PIP5K1B: variants seen among roughly 807,000 people sequenced by gnomAD.
The protein encoded by PIP5K1B is phosphatidylinositol-4-phosphate 5-kinase type 1 beta, also known as phosphatidylinositol 4-phosphate 5-kinase type-1 beta.
A neutral mutation model predicts 67.0 loss-of-function variants in PIP5K1B; 42 were observed. That is an observed-to-expected ratio of 0.63 (90% confidence interval 0.49 to 0.81). The LOEUF is 0.81. Among genes scored for constraint, PIP5K1B ranks in the 30% least tolerant of loss-of-function variants. The pLI, the probability that PIP5K1B is intolerant of heterozygous loss-of-function variation, is 0.00. For missense variants in PIP5K1B, 459 were observed against 646.3 expected, an observed-to-expected ratio of 0.71 and a Z score of 3.14; for synonymous variants, 214 against 231.4, an observed-to-expected ratio of 0.92 and a Z score of 0.68.
chr9:68,867,731 TTC>T (rs1349943682), intron 5 of PIP5K1B, among the ~76,000 whole-genome samples: 1 of 152,148 alleles, frequency 6.6e-6, no homozygotes, highest in Non-Finnish European at 1.5e-5. Flanking sequence ...AAATAATGCT[TTC>T]TCTCTAAGTA....
At chr9:68,758,134 C>T (rs907304160) in intron 2 of PIP5K1B, among the ~76,000 whole-genome samples, 1 of 152,056 alleles carries the variant, frequency 6.6e-6, no homozygotes, top group Non-Finnish European at 1.5e-5. Flanking sequence ...CCTGCTAAGA[C>T]AAAAATAGCA....
intron 14 of PIP5K1B, among the ~76,000 whole-genome samples, chr9:68,972,006 C>T (rs1007564660): frequency 1.3e-5 from 2 of 152,148 alleles, no homozygotes; most frequent in Non-Finnish European, 2.9e-5. Flanking sequence ...TCTCATTTGT[C>T]AGTTTTGGCT....
In PIP5K1B at chr9:68,889,016, T is replaced by C; in HGVS notation, c.354T>C (p.Ser118=). The C allele has an allele frequency of 5.6e-6, 9 of 1,612,352 alleles. No individual in the cohort carries two copies. Among genetic ancestry groups the C allele is most frequent in the Non-Finnish European group, 5.9e-6 (7 of 1,178,350 alleles). Residue 118 remains serine, a synonymous_variant, in exon 7 of 16, where the codon TCT becomes TCC. Transcript: ENST00000265382. Reference sequence around the variant, plus strand: ...GCAGTGAACCTCTAATAGAACTGTCTAACCCTGGAGCCAGTGGATCCTTGT... The same window carrying C: ...GCAGTGAACCTCTAATAGAACTGTCCAACCCTGGAGCCAGTGGATCCTTGT... ...SICSEPLIEL[S]NPGASGSLFF...
intron 13 of PIP5K1B, among the ~76,000 whole-genome samples, chr9:68,937,299 G>C (rs1827316154): frequency 1.3e-5 from 2 of 152,166 alleles, no homozygotes; most frequent in African/African-American, 2.4e-5. Flanking sequence ...CTTGTTGTTG[G>C]TTTATTCAGG....
intron 1 of PIP5K1B, among the ~76,000 whole-genome samples, chr9:68,728,055 A>G (rs1828241019): frequency 1.3e-5 from 2 of 152,224 alleles, no homozygotes; most frequent in South Asian, 4.1e-4. Flanking sequence ...ATAAGGCAAG[A>G]TAAGGAGTAG....
intron 1 of PIP5K1B, chr9:68,705,981 C>T (rs2132222692): frequency 6.6e-6 from 1 of 152,348 alleles, no homozygotes; most frequent in East Asian, 1.9e-4. Context: ...CGGACACCCA[C>T]CCGCTCGTCA....
At chr9:68,885,576 A>T (rs1026751270) in intron 6 of PIP5K1B, among the ~76,000 whole-genome samples, 12 of 152,204 alleles carry the variant, frequency 7.9e-5, no homozygotes, top group African/African-American at 2.9e-4. Flanking sequence ...TACAATTATT[A>T]TATCTCATAG....
rs775857015 is a variant in PIP5K1B, at chr9:68,813,591, C to T, written c.-85-4870C>T. Among the ~76,000 whole-genome samples the T allele has an allele frequency of 6.3e-4, 96 of 152,148 alleles. 1 individual carries two copies. The highest frequency in any genetic ancestry group is 1.2e-3 in the Non-Finnish European group (85 of 68,024). On this transcript the variant is annotated intron_variant, in intron 2 of 15. Coordinates refer to ENST00000265382, the MANE Select transcript of PIP5K1B (RefSeq NM_003558.4). ...GAAGTCCTAATTTTCAGTACCTGTG[C>T]ATGTGACCTTATTTGGAAATAGGGT...
chr9:68,902,659 C>T (rs752973699), intron 8 of PIP5K1B, among the ~76,000 whole-genome samples: 1 of 152,138 alleles, frequency 6.6e-6, no homozygotes, highest in East Asian at 1.9e-4. Flanking sequence ...ATGGTAAGTG[C>T]GTGTTGAATT....
chr9:68,705,860 C>T (rs1018150751), intron 1 of PIP5K1B, 98 bp downstream of exon 1: 1 of 152,108 alleles, frequency 6.6e-6, no homozygotes, highest in Non-Finnish European at 1.5e-5. Flanking sequence ...GTCGGTCTCT[C>T]TACCCTTCCA....
chr9:68,863,999 T>G, intron 5 of PIP5K1B, 32 bp downstream of exon 5: 1 of 1,609,134 alleles, frequency 6.2e-7, no homozygotes. Flanking sequence ...ATGATTTCCA[T>G]GCTAAGGAAC....
At chr9:68,881,729 C>T (rs1428216467) in intron 6 of PIP5K1B, among the ~76,000 whole-genome samples, 2 of 152,128 alleles carry the variant, frequency 1.3e-5, no homozygotes, top group African/African-American at 2.4e-5. Context: ...TCTGTACATA[C>T]AGCAGTGCAA....
At chr9:68,931,160 C>T (rs1826974217) in intron 12 of PIP5K1B, among the ~76,000 whole-genome samples, 1 of 152,124 alleles carries the variant, frequency 6.6e-6, no homozygotes, top group Non-Finnish European at 1.5e-5. Context: ...TCTACAAAAT[C>T]CTATAATATT....
At chr9:68,790,500 C>T (rs1831898210) in intron 2 of PIP5K1B, among the ~76,000 whole-genome samples, 1 of 152,164 alleles carries the variant, frequency 6.6e-6, no homozygotes, top group South Asian at 2.1e-4. Flanking sequence ...CTATATGTAG[C>T]TTGTTTGTGA....
At chr9:68,767,705 C>A (rs1436453977) in intron 2 of PIP5K1B, among the ~76,000 whole-genome samples, 2 of 151,558 alleles carry the variant, frequency 1.3e-5, no homozygotes, top group African/African-American at 4.8e-5. Context: ...AATGGAGAAG[C>A]TAGTCCACAT....
chr9:68,850,763 A>T lies in PIP5K1B; in HGVS notation c.70-13074A>T, dbSNP rs557739306. On this transcript the variant is annotated intron_variant, in intron 4 of 15. Transcript: ENST00000265382. ...AGTCAATCCTGTCTTATTTTAATCT[A>T]TTGAATCTAAATTGATATTTATATC... 2.0e-5 allele frequency among the ~76,000 whole-genome samples: 3 copies of T among 152,204 alleles called. No homozygotes were observed. In the South Asian group the frequency reaches 6.2e-4, roughly 31 times the overall value.
chr9:68,759,859 T>C (rs182155083), intron 2 of PIP5K1B, among the ~76,000 whole-genome samples: 1 of 152,212 alleles, frequency 6.6e-6, no homozygotes, highest in African/African-American at 2.4e-5. Context: ...ACATTGTATA[T>C]TTAAAAACAT....
rs1019387834 is a variant in PIP5K1B at position 68,705,381 on chromosome 9, C to G, written c.-624C>G. On this transcript the variant is annotated 5_prime_UTR_variant, in exon 1 of 16. Transcript: ENST00000265382. ...GCGAGGCTGCGCCCGGCAGTGGAGC[C>G]GCTCGGAGCTGCTGGGCTTTGGCGG... 6.6e-6 allele frequency: 1 copy of G among 151,282 alleles called. No individual in the cohort carries two copies. Among genetic ancestry groups the G allele is most frequent in the African/African-American group, 2.4e-5 (1 of 41,366 alleles). 9.4% of individuals were successfully genotyped at this position (151,282 alleles called of 1,614,324 possible).
At chr9:68,890,761 TGCTTTCA>T (rs947041119) in intron 7 of PIP5K1B, among the ~76,000 whole-genome samples, 1 of 151,956 alleles carries the variant, frequency 6.6e-6, no homozygotes, top group African/African-American at 2.4e-5. Flanking sequence ...ATGGTGTATA[TGCTTTCA>T]GTTATTCTTT....
Sources: gnomAD v4.1 joint callset for allele counts (sites outside exome capture counted in the v4.1 genomes callset) on GRCh38, gnomAD v4.1.1 for gene constraint, MANE v1.5 for transcripts, NCBI Gene and HGNC (gene_info 2026-07-23, HGNC 2026-07-21) for gene names.